The following ADAMTSL3 variants were observed in gnomAD, a reference collection of about 807,000 sequenced individuals.
ADAMTSL3 encodes ADAMTS like 3.
ADAMTSL3 carries 128 observed loss-of-function variants against 201.7 expected under a neutral mutation model. The observed-to-expected ratio is 0.63, with a 90% CI of 0.55 to 0.73. The LOEUF (loss-of-function observed/expected upper bound fraction) is 0.73. Among genes scored for constraint, ADAMTSL3 ranks in the 30% least tolerant of loss-of-function variants. The probability of loss-of-function intolerance (pLI) is 0.00; values close to 1 mark genes in which losing one functional copy is unlikely to be tolerated. For missense variants in ADAMTSL3, 1,990 were observed against 2,119.6 expected (o/e 0.94, Z 1.20); for synonymous variants, 738 against 748.4 (o/e 0.99, Z 0.23).
chr15:83,808,738 A>G (rs2063643950), intron 5 of ADAMTSL3, among the ~76,000 whole-genome samples: 1 of 152,214 alleles, frequency 6.6e-6, no homozygotes, highest in East Asian at 1.9e-4. Flanking sequence ...AATGTCCAAC[A>G]GTGAATGAAT....
chr15:83,972,759 A>G (rs955614319), intron 20 of ADAMTSL3, among the ~76,000 whole-genome samples: 3 of 152,178 alleles, frequency 2.0e-5, no homozygotes, highest in African/African-American at 4.8e-5. Context: ...AGCACAGCCA[A>G]CGCACCCTGA....
chr15:83,821,886 T>C (rs1200652431), intron 6 of ADAMTSL3, among the ~76,000 whole-genome samples: 7 of 129,370 alleles, frequency 5.4e-5, no homozygotes, highest in African/African-American at 2.1e-4. Flanking sequence ...CCCCCCCAAC[T>C]CCCTCCCGGA....
chr15:83,846,823 A>G (rs4357909), intron 7 of ADAMTSL3, among the ~76,000 whole-genome samples: 57,984 of 152,118 alleles, frequency 0.38, 12,949 homozygotes, highest in African/African-American at 0.59. Context: ...CTGATTTCTT[A>G]GAGGCAGTAT....
intron 2 of ADAMTSL3, among the ~76,000 whole-genome samples, chr15:83,679,892 A>G (rs527329081): frequency 1.3e-5 from 2 of 152,214 alleles, no homozygotes; most frequent in African/African-American, 4.8e-5. Context: ...TGTGTTACCC[A>G]TTATTACCAG....
intron 8 of ADAMTSL3, among the ~76,000 whole-genome samples, chr15:83,865,012 A>C (rs937824511): frequency 2.6e-5 from 4 of 152,182 alleles, no homozygotes; most frequent in African/African-American, 9.7e-5. Context: ...TCCCATTCAG[A>C]ATTGCTTCAA....
chr15:83,772,069 G>A (rs1047670458), intron 3 of ADAMTSL3, among the ~76,000 whole-genome samples: 1 of 152,030 alleles, frequency 6.6e-6, no homozygotes, highest in African/African-American at 2.4e-5. Flanking sequence ...GCCCAGGCTG[G>A]TCTTGAACTC....
intron 7 of ADAMTSL3, among the ~76,000 whole-genome samples, chr15:83,853,906 C>CTCTATCTATCTA (rs36062109): frequency 5.5e-5 from 8 of 146,576 alleles, no homozygotes; most frequent in East Asian, 2.0e-4. Context: ...ATCACTCTAT[C>CTCTATCTATCTA]TCTATCTATC....
chr15:83,903,963 A>AGG (rs1567226206), intron 15 of ADAMTSL3, among the ~76,000 whole-genome samples: 3 of 109,352 alleles, frequency 2.7e-5, no homozygotes, highest in Non-Finnish European at 5.6e-5. Flanking sequence ...AAAGAAAGAA[A>AGG]GAAAGAAAAG....
At chr15:84,012,345 C>T (rs1287122682) in intron 23 of ADAMTSL3, among the ~76,000 whole-genome samples, 1 of 152,128 alleles carries the variant, frequency 6.6e-6, no homozygotes, top group African/African-American at 2.4e-5. Context: ...GGCTGAATCC[C>T]TTATCATTTT....
At chr15:83,759,295 C>T (rs1175926753) in intron 3 of ADAMTSL3, among the ~76,000 whole-genome samples, 3 of 151,746 alleles carry the variant, frequency 2.0e-5, no homozygotes, top group Admixed American at 1.3e-4. Context: ...ACTCGACCTC[C>T]GCTCACTGCA....
chr15:84,011,996 A>G (rs1047499933), intron 23 of ADAMTSL3, among the ~76,000 whole-genome samples: 1 of 152,222 alleles, frequency 6.6e-6, no homozygotes, highest in Non-Finnish European at 1.5e-5. Flanking sequence ...CAGAAAGCTT[A>G]AACTTTCTGT....
chr15:83,807,841 T>G (rs913047897), intron 5 of ADAMTSL3, among the ~76,000 whole-genome samples: 15 of 152,178 alleles, frequency 9.9e-5, no homozygotes, highest in African/African-American at 3.6e-4. Flanking sequence ...TCCACATACC[T>G]ACAGCCAACT....
At chr15:83,819,223 C>CCACT (rs1365058050) in intron 5 of ADAMTSL3, among the ~76,000 whole-genome samples, 1 of 149,764 alleles carries the variant, frequency 6.7e-6, no homozygotes, top group Admixed American at 6.7e-5. Context: ...GTGAGCCGAG[C>CCACT]CACTGCACTC....
intron 3 of ADAMTSL3, among the ~76,000 whole-genome samples, chr15:83,719,039 T>C (rs1347846103): frequency 2.0e-5 from 3 of 152,130 alleles, no homozygotes; most frequent in African/African-American, 7.2e-5. Context: ...ATATATGCAT[T>C]GAATATCAAA....
intron 23 of ADAMTSL3, among the ~76,000 whole-genome samples, chr15:84,012,240 A>G (rs2068018890): frequency 6.6e-6 from 1 of 152,138 alleles, no homozygotes. Context: ...TGTTACACTT[A>G]GAGTATCTAA....
chr15:83,987,397 C>T (rs940517447), intron 21 of ADAMTSL3, among the ~76,000 whole-genome samples: 1 of 152,184 alleles, frequency 6.6e-6, no homozygotes, highest in Non-Finnish European at 1.5e-5. Flanking sequence ...TTTTTGAGAA[C>T]TTGCTATATA....
chr15:83,878,782 TG>T (rs1301947636), intron 9 of ADAMTSL3, among the ~76,000 whole-genome samples: 1 of 92,012 alleles, frequency 1.1e-5, no homozygotes, highest in African/African-American at 6.5e-5. Flanking sequence ...TTTGTTTTCT[TG>T]GAATGCCTTT....
chr15:83,743,019 T>C (rs1482182652), intron 3 of ADAMTSL3, among the ~76,000 whole-genome samples: 2 of 152,224 alleles, frequency 1.3e-5, no homozygotes, highest in Non-Finnish European at 2.9e-5. Context: ...GATTCAGATT[T>C]TTGAATTTTC....
rs774617619 is a variant in ADAMTSL3 at position 83,773,574 on chromosome 15, TGG to T, written c.244_245del (p.Gly82ArgfsTer4). ...DEDKDGNWDA[W>X]GDWSDCSRTC... is the part of the protein sequence containing the mutation. ...AGACAAAGATGGCAACTGGGATGCT[TGG>T]GGCGACTGGAGTGACTGCTCCCGGA... On this transcript the variant is annotated frameshift_variant, in exon 4 of 30. Coordinates refer to ENST00000286744, the MANE Select transcript of ADAMTSL3 (RefSeq NM_207517.3). LOFTEE classifies it high-confidence loss of function. 1 of 1,614,060 alleles carries T rather than the reference TGG, an allele frequency of 6.2e-7. No homozygotes were observed. Among genetic ancestry groups the T allele is most frequent in the South Asian group, 1.1e-5 (1 of 91,076 alleles).
Sources: allele counts gnomAD v4.1 joint callset (sites outside exome capture counted in the v4.1 genomes callset), GRCh38; gene constraint gnomAD v4.1.1; transcripts MANE v1.5; gene names NCBI Gene and HGNC (gene_info 2026-07-23, HGNC 2026-07-21).